Variants in GPSM1 observed in about 807,000 individuals in gnomAD.
The protein encoded by GPSM1 is G protein-signaling modulator 1.
A neutral mutation model predicts 70.5 loss-of-function variants in GPSM1; 48 were observed. The ratio of observed to expected loss-of-function variants is 0.68; its 90% CI spans 0.54 to 0.87. The LOEUF (loss-of-function observed/expected upper bound fraction) is 0.87, where lower values mean the gene tolerates loss of function less well. GPSM1 is among the 40% of genes least tolerant of loss of function. The pLI is 0.00. For synonymous variants in GPSM1, 416 were observed against 430.1 expected (o/e 0.97, Z 0.41); for missense variants, 981 against 972.6 (o/e 1.01, Z -0.11).
chr9:136,329,591 G>A (rs1316246719), intron 1 of GPSM1, among the ~76,000 whole-genome samples: 1 of 152,182 alleles, frequency 6.6e-6, no homozygotes, highest in Non-Finnish European at 1.5e-5. Context: ...TGGCTGTACT[G>A]GGGTCCCTCA....
At position 136,341,457 on chromosome 9, in the gene GPSM1, C is replaced by T. The variant is rs1554770298; in HGVS notation, c.1207+464C>T. Reference sequence around the variant, plus strand: ...AAGGCCCAAGGCCATGCGAGGCCACCGTGGTGACCTCATTCATGGACCGCT... The same window carrying T: ...AAGGCCCAAGGCCATGCGAGGCCACTGTGGTGACCTCATTCATGGACCGCT... On this transcript the variant is annotated intron_variant, in intron 9 of 13. Coordinates refer to ENST00000440944, the MANE Select transcript of GPSM1 (RefSeq NM_001145638.3). The surrounding 1 kb of genome is among the most constrained non-coding windows in gnomAD (Gnocchi z 6.7). 7 of 1,349,136 alleles carry T rather than the reference C, an allele frequency of 5.2e-6. No homozygotes were observed. Among genetic ancestry groups the T allele is most frequent in the South Asian group, 3.5e-5 (2 of 57,500 alleles). The allele number at this position is 1,349,136 out of a possible 1,614,324, so 83.6% of individuals were successfully genotyped here.
chr9:136,347,428 G>GGGTGGGAGCTGTGGGTGAGCA (rs1832549299), intron 9 of GPSM1, among the ~76,000 whole-genome samples: 1 of 152,170 alleles, frequency 6.6e-6, no homozygotes, highest in Non-Finnish European at 1.5e-5. Context: ...GGGCATAGGG[G>GGGTGGGAGCTGTGGGTGAGCA]GGTGGGAGCT....
At chr9:136,333,579 C>T (rs1329727232) in intron 1 of GPSM1, among the ~76,000 whole-genome samples, 2 of 152,188 alleles carry the variant, frequency 1.3e-5, no homozygotes, top group Admixed American at 6.5e-5. Flanking sequence ...AGTCCCTGCC[C>T]GAAGGTGGGG....
intron 5 of GPSM1, 121 bp downstream of exon 5, chr9:136,337,685 C>G (rs562614468): frequency 2.3e-5 from 24 of 1,041,432 alleles, no homozygotes; most frequent in Non-Finnish European, 3.5e-5. Context: ...CCCGCCCCAC[C>G]GAGTCCTGGC....
At chr9:136,352,842 C>A (rs561582281) in intron 11 of GPSM1, among the ~76,000 whole-genome samples, 1 of 152,204 alleles carries the variant, frequency 6.6e-6, no homozygotes, top group African/African-American at 2.4e-5. Flanking sequence ...CCCACAGGCA[C>A]GGGGAGGGGG....
intron 1 of GPSM1, among the ~76,000 whole-genome samples, chr9:136,331,440 G>T (rs1413103568): frequency 1.3e-5 from 2 of 151,902 alleles, no homozygotes; most frequent in African/African-American, 2.4e-5. Context: ...AGGTGGGGTC[G>T]GGTGGAGCAG....
chr9:136,341,320 A>G lies in GPSM1; in HGVS notation c.1207+327A>G, dbSNP rs1832385935. On this transcript the variant is annotated intron_variant, in intron 9 of 13. Coordinates refer to ENST00000440944, the MANE Select transcript of GPSM1 (RefSeq NM_001145638.3). The surrounding 1 kb of genome is among the most constrained non-coding windows in gnomAD (Gnocchi z 6.7). ...GTGCAGGGAGGGCTTCTGTCCTCAG[A>G]CCCAAGTAGGAGAGGGCTGCTGGGA... 3 of 1,442,114 alleles carry G rather than the reference A, an allele frequency of 2.1e-6. No homozygotes were observed. In the East Asian group the frequency reaches 7.5e-5, roughly 36 times the overall value. The allele number at this position is 1,442,114 out of a possible 1,614,324, so 89.3% of individuals were successfully genotyped here. A position where few individuals can be genotyped will look rare whatever the true frequency, so the allele number is the denominator to read the frequency against.
At chr9:136,346,473 T>C (rs1265214649) in intron 9 of GPSM1, among the ~76,000 whole-genome samples, 1 of 152,180 alleles carries the variant, frequency 6.6e-6, no homozygotes, top group African/African-American at 2.4e-5. Flanking sequence ...CTCTGCCCCA[T>C]AGGTAGCACC....
At chr9:136,350,941 G>A (rs1453831056) in intron 11 of GPSM1, among the ~76,000 whole-genome samples, 3 of 152,210 alleles carry the variant, frequency 2.0e-5, no homozygotes, top group Non-Finnish European at 2.9e-5. Context: ...TGCCTGGCAG[G>A]TGTCAGCTGT....
intron 1 of GPSM1, among the ~76,000 whole-genome samples, chr9:136,331,081 G>A (rs1254646677): frequency 3.3e-5 from 5 of 152,094 alleles, no homozygotes; most frequent in African/African-American, 1.2e-4. Flanking sequence ...CCAGTCCCCC[G>A]CCTCTGTCAG....
chr9:136,337,048 T>C lies in GPSM1; in HGVS notation c.554T>C (p.Leu185Pro), dbSNP rs1554769377. The C allele has an allele frequency of 2.6e-6, 4 of 1,551,792 alleles. No individual in the cohort carries two copies. The highest frequency in any genetic ancestry group is 3.5e-6 in the Non-Finnish European group (4 of 1,147,760). ...GHLPPDVRET[L>P]CKASEFYERN... Reference sequence around the variant, plus strand: ...CTGCCGCCCGATGTCCGAGAGACCCTGTGCAAGGCCTCCGAGTTCTACGAG... The same window carrying C: ...CTGCCGCCCGATGTCCGAGAGACCCCGTGCAAGGCCTCCGAGTTCTACGAG... Residue 185 changes from leucine to proline, a missense_variant, in exon 4 of 14, where the codon CTG becomes CCG. Transcript: ENST00000440944.
intron 1 of GPSM1, among the ~76,000 whole-genome samples, chr9:136,333,316 G>A (rs769053294): frequency 3.9e-5 from 6 of 152,206 alleles, no homozygotes; most frequent in South Asian, 4.1e-4. Flanking sequence ...CCAGGGCAGC[G>A]CAGCAGCCTG....
intron 11 of GPSM1, among the ~76,000 whole-genome samples, chr9:136,350,119 C>T (rs1215547534): frequency 2.6e-5 from 4 of 151,360 alleles, no homozygotes; most frequent in Non-Finnish European, 5.9e-5. Context: ...GGTGGCCTCT[C>T]TCTCTGACTC....
At chr9:136,355,009 G>C (rs1274026420) in intron 11 of GPSM1, 1 of 1,084,448 alleles carries the variant, frequency 9.2e-7, no homozygotes, top group African/African-American at 1.7e-5. Context: ...CGGGGCAGTC[G>C]GCGGGTGCCG....
chr9:136,351,220 T>C (rs1832654112), intron 11 of GPSM1, among the ~76,000 whole-genome samples: 2 of 152,118 alleles, frequency 1.3e-5, no homozygotes, highest in African/African-American at 4.8e-5. Flanking sequence ...GCCCCAGCAC[T>C]GCCCAACCAT....
Position 136,334,501 on chromosome 9 carries a change from G to C in GPSM1, c.123G>C (p.Ala41=). Residue 41 remains alanine, a synonymous_variant, in exon 2 of 14, where the codon GCG becomes GCC. Coordinates refer to ENST00000440944, the MANE Select transcript of GPSM1 (RefSeq NM_001145638.3). ...TGGAGGGCGAGCGTCTGTGCAAGGC[G>C]GGCGACTTCAAGACAGGCGTGGCCT... ...LALEGERLCK[A]GDFKTGVAFF... is the part of the protein sequence containing the mutation. 3 of 1,613,204 alleles carry C rather than the reference G, an allele frequency of 1.9e-6. No individual in the cohort carries two copies. The highest frequency in any genetic ancestry group is 2.5e-6 in the Non-Finnish European group (3 of 1,179,958).
intron 1 of GPSM1, among the ~76,000 whole-genome samples, chr9:136,331,125 A>G (rs1444812047): frequency 6.6e-6 from 1 of 152,102 alleles, no homozygotes; most frequent in Admixed American, 6.5e-5. Context: ...AGGTGGCTGG[A>G]GAAGCTGGGA....
intron 1 of GPSM1, among the ~76,000 whole-genome samples, chr9:136,334,088 A>T (rs566964601): frequency 2.0e-5 from 3 of 152,110 alleles, no homozygotes; most frequent in East Asian, 3.9e-4. Flanking sequence ...TGCAGCCCGT[A>T]CCTCTGGGAT....
chr9:136,332,151 C>T (rs782322123), intron 1 of GPSM1: 3 of 399,208 alleles, frequency 7.5e-6, no homozygotes, highest in African/African-American at 2.1e-5. Flanking sequence ...GCAGAAGATG[C>T]GAAACCTGCA....
Sources: gnomAD v4.1 joint callset for allele counts (sites outside exome capture counted in the v4.1 genomes callset) on GRCh38, gnomAD v4.1.1 for gene constraint, Gnocchi (gnomAD v3.1) non-coding constraint, MANE v1.5 for transcripts, NCBI Gene and HGNC (gene_info 2026-07-23, HGNC 2026-07-21) for gene names.